Variants in POLD3 observed in about 807,000 individuals in gnomAD.
POLD3 encodes the protein DNA polymerase delta subunit 3.
POLD3 carries 19 observed loss-of-function variants against 58.2 expected under a neutral mutation model. The observed-to-expected ratio is 0.33, with a 90% CI of 0.23 to 0.48. The LOEUF is 0.48. Ranked by LOEUF, POLD3 falls within the 20% of genes least tolerant of loss-of-function variation. The probability of loss-of-function intolerance (pLI) is 0.99; values close to 1 mark genes in which losing one functional copy is unlikely to be tolerated. For synonymous variants in POLD3, 172 were observed against 193.5 expected, an observed-to-expected ratio of 0.89 and a Z score of 0.92; for missense variants, 504 against 545.5, an observed-to-expected ratio of 0.92 and a Z score of 0.76.
chr11:74,606,641 A>T (rs2031687237), intron 3 of POLD3, among the ~76,000 whole-genome samples: 1 of 152,204 alleles, frequency 6.6e-6, no homozygotes, highest in South Asian at 2.1e-4. Flanking sequence ...CTGACCCATT[A>T]TAACAGGGGC....
At chr11:74,656,355 G>C (rs2033133973) in intron 4 of POLD3, among the ~76,000 whole-genome samples, 1 of 152,164 alleles carries the variant, frequency 6.6e-6, no homozygotes. Flanking sequence ...TTGGGAGGCT[G>C]AGGCAGGTGG....
At chr11:74,612,674 G>A (rs540067744) in intron 4 of POLD3, among the ~76,000 whole-genome samples, 1 of 152,300 alleles carries the variant, frequency 6.6e-6, no homozygotes, top group East Asian at 1.9e-4. Context: ...CCTTAGAAAT[G>A]ACTCACCACC....
Position 74,634,699 on chromosome 11 carries a change from A to C in POLD3, c.1119+4A>C. The C allele has an allele frequency of 6.6e-7, 1 of 1,515,418 alleles. No individual in the cohort carries two copies. The highest frequency in any genetic ancestry group is 9.2e-7 in the Non-Finnish European group (1 of 1,090,020). The allele number at this position is 1,515,418 out of a possible 1,614,324, so 93.9% of individuals were successfully genotyped here. ...GCCTGAACCTCCTTCTGTCAAGGTA[A>C]AATTATACTGGGATTCTTGCATGTC... is the stretch of plus-strand genomic sequence containing the variant. On this transcript the variant is annotated splice_donor_region_variant and intron_variant, in intron 10 of 11. Coordinates refer to ENST00000263681, the MANE Select transcript of POLD3 (RefSeq NM_006591.3).
At chr11:74,621,756 C>T (rs1184295498) in intron 7 of POLD3, among the ~76,000 whole-genome samples, 5 of 152,050 alleles carry the variant, frequency 3.3e-5, no homozygotes, top group Non-Finnish European at 1.5e-5. Context: ...GTGGTACGTG[C>T]CTGTAATCCC....
chr11:74,610,754 AT>A (rs1369362629), intron 3 of POLD3, among the ~76,000 whole-genome samples: 2 of 151,928 alleles, frequency 1.3e-5, no homozygotes, highest in Admixed American at 6.6e-5. Flanking sequence ...GAATTCACAC[AT>A]GTTTTCATGT....
At chr11:74,599,304 T>C (rs2031394647) in intron 2 of POLD3, among the ~76,000 whole-genome samples, 2 of 151,874 alleles carry the variant, frequency 1.3e-5, no homozygotes. Context: ...AGTGCTGAGA[T>C]TATAGGCATG....
At position 74,592,729 on chromosome 11, in the gene POLD3, A is replaced by G. The variant is rs982697449; in HGVS notation, c.60+11A>G. The G allele has an allele frequency of 1.9e-6, 3 of 1,613,826 alleles. No homozygotes were observed. Among genetic ancestry groups the G allele is most frequent in the East Asian group, 2.2e-5 (1 of 44,872 alleles). On this transcript the variant is annotated intron_variant, in intron 1 of 11. Transcript: ENST00000263681. ...GACCAAAACAAGATCGTGAGCAGCT[A>G]CTACTGGGGAACGCGGGCGTGCGAC...
In POLD3 at chr11:74,614,689, G is replaced by A. The variant is rs180782514; in HGVS notation, c.392+1679G>A. The stretch of plus-strand genomic sequence containing the variant: ...CGCTCCACTGCACTCCAGCCTGGGC[G>A]ACAGAGCAAGACTCCAGCTCAAAAA... On this transcript the variant is annotated intron_variant, in intron 5 of 11. Transcript: ENST00000263681. Among the ~76,000 whole-genome samples, 1,092 of 144,014 alleles carry A rather than the reference G, an allele frequency of 7.6e-3. 18 individuals are homozygous for A. Among genetic ancestry groups the A allele is most frequent in the African/African-American group, 0.027 (1,019 of 38,438 alleles). 94.5% of individuals were successfully genotyped at this position (144,014 alleles called of 152,430 possible). A position where few individuals can be genotyped will look rare whatever the true frequency, so the allele number is the denominator to read the frequency against.
In POLD3 at chr11:74,640,635, G is replaced by C. The variant is rs1466056277; in HGVS notation, c.1270G>C (p.Val424Leu). 1 of 1,610,670 alleles carries C rather than the reference G, an allele frequency of 6.2e-7. No homozygotes were observed. The highest frequency in any genetic ancestry group is 2.2e-5 in the East Asian group (1 of 44,744). ...EEELNMKTSS[V>L]HRPPAMTVKK... is the part of the protein sequence containing the mutation. Reference sequence around the variant, plus strand: ...GGAGCTTAACATGAAGACATCCTCAGTACACAGACCCCCTGCCATGACTGT... The same window carrying C: ...GGAGCTTAACATGAAGACATCCTCACTACACAGACCCCCTGCCATGACTGT... Residue 424 changes from valine to leucine, a missense_variant, in exon 12 of 12, where the codon GTA becomes CTA. Around this residue, in one of 2 missense-constraint regions of POLD3, gnomAD observed 385 missense variants for 370.5 expected, o/e 1.04. Transcript: ENST00000263681.
chr11:74,653,991 C>A (rs1374319556), intron 4 of POLD3, among the ~76,000 whole-genome samples: 1 of 152,064 alleles, frequency 6.6e-6, no homozygotes, highest in Non-Finnish European at 1.5e-5. Context: ...AGAGCAGGAG[C>A]AAGAGAAAGA....
chr11:74,604,840 T>C (rs372156985), intron 3 of POLD3, 46 bp downstream of exon 3: 5 of 1,032,372 alleles, frequency 4.8e-6, no homozygotes, highest in Non-Finnish European at 7.7e-6. Flanking sequence ...GTTTGTGTTA[T>C]GAAGAGTGTT....
intron 4 of POLD3, among the ~76,000 whole-genome samples, chr11:74,663,648 T>TA (rs1177519228): frequency 1.3e-5 from 2 of 152,252 alleles, no homozygotes; most frequent in Non-Finnish European, 2.9e-5. Flanking sequence ...AACTGGCTAT[T>TA]AAAATGTTTT....
intron 4 of POLD3, among the ~76,000 whole-genome samples, chr11:74,665,391 A>ATTTTTTTTTTTTTTT (rs1202426924): frequency 1.2e-5 from 1 of 83,308 alleles, no homozygotes; most frequent in African/African-American, 5.0e-5. Context: ...CCCTTTTATA[A>ATTTTTTTTTTTTTTT]TTTTTTTTTT....
chr11:74,641,963 G>A lies in POLD3; in HGVS notation c.*1197G>A. On this transcript the variant is annotated 3_prime_UTR_variant, in exon 12 of 12. Coordinates refer to ENST00000263681, the MANE Select transcript of POLD3 (RefSeq NM_006591.3). Reference sequence around the variant, plus strand: ...CCTTCAAGTGACTTCCATTATGGCTGGACAGGCGGTGAGCTCAGTGGATTG... The same window carrying A: ...CCTTCAAGTGACTTCCATTATGGCTAGACAGGCGGTGAGCTCAGTGGATTG... 3.0e-6 allele frequency: 3 copies of A among 985,440 alleles called. No homozygotes were observed. Among genetic ancestry groups the A allele is most frequent in the Non-Finnish European group, 3.6e-6 (3 of 829,934 alleles). The allele number at this position is 985,440 out of a possible 1,614,324, so 61.0% of individuals were successfully genotyped here. A position where few individuals can be genotyped will look rare whatever the true frequency, so the allele number is the denominator to read the frequency against.
intron 4 of POLD3, among the ~76,000 whole-genome samples, chr11:74,659,253 G>T (rs1400542485): frequency 6.6e-6 from 1 of 152,150 alleles, no homozygotes; most frequent in African/African-American, 2.4e-5. Flanking sequence ...GAGCAGCTGG[G>T]ACACAGGGCA....
chr11:74,668,991 G>A (rs2033307129), exon 5 of POLD3: 1 of 349,484 alleles, frequency 2.9e-6, no homozygotes, highest in African/African-American at 2.2e-5. Flanking sequence ...TGAGCCTTCT[G>A]CCCTATTTTT....
chr11:74,646,820 T>C (rs900034154), downstream of POLD3, among the ~76,000 whole-genome samples: 2 of 152,212 alleles, frequency 1.3e-5, no homozygotes, highest in Non-Finnish European at 2.9e-5. Context: ...TGTCAGAGCC[T>C]TGTTTTCCTA....
chr11:74,634,828 G>C (rs1427493897), intron 10 of POLD3, 133 bp downstream of exon 10: 1 of 617,272 alleles, frequency 1.6e-6, no homozygotes, highest in African/African-American at 1.8e-5. Context: ...TCATTCTGCT[G>C]TCCTACAGGT....
intron 2 of POLD3, among the ~76,000 whole-genome samples, chr11:74,598,495 C>A (rs889486096): frequency 6.6e-6 from 1 of 152,112 alleles, no homozygotes; most frequent in Non-Finnish European, 1.5e-5. Context: ...TTTTATTATG[C>A]GCATAGATTC....
Sources: allele counts gnomAD v4.1 joint callset (sites outside exome capture counted in the v4.1 genomes callset), GRCh38; gene constraint gnomAD v4.1.1; regional missense constraint gnomAD v4.1.1; transcripts MANE v1.5; gene names NCBI Gene and HGNC (gene_info 2026-07-23, HGNC 2026-07-21).